ANKS1A: variants seen among roughly 807,000 people sequenced by gnomAD.
The protein encoded by ANKS1A is ankyrin repeat and sterile alpha motif domain containing 1A.
Under a neutral mutation model 120.3 loss-of-function variants are expected in ANKS1A, and 55 were observed. The ratio of observed to expected loss-of-function variants is 0.46; its 90% confidence interval spans 0.37 to 0.57. The LOEUF (loss-of-function observed/expected upper bound fraction) is 0.57, where lower values mean the gene tolerates loss of function less well. Among genes scored for constraint, ANKS1A ranks in the 20% least tolerant of loss-of-function variants. The probability of loss-of-function intolerance (pLI) is 0.00; values close to 1 mark genes in which losing one functional copy is unlikely to be tolerated. For synonymous variants in ANKS1A, 590 were observed against 604.7 expected, an observed-to-expected ratio of 0.98 and a Z score of 0.36; for missense variants, 1,123 against 1,480.3, an observed-to-expected ratio of 0.76 and a Z score of 3.96.
Position 35,054,093 on chromosome 6 carries a change from T to A in ANKS1A, c.2011-6T>A. On this transcript the variant is annotated splice_polypyrimidine_tract_variant and splice_region_variant and intron_variant, in intron 11 of 23. Transcript: ENST00000360359. ...CCTCTCCTCTTTGTTCTTTCTTCCA[T>A]TTCAGATTGAGAAAATCATGAGTTC... The A allele has an allele frequency of 1.2e-6, 2 of 1,613,426 alleles. No individual in the cohort carries two copies. Among genetic ancestry groups the A allele is most frequent in the Non-Finnish European group, 1.7e-6 (2 of 1,179,414 alleles).
chr6:34,996,952 T>C (rs1393541621), intron 10 of ANKS1A, among the ~76,000 whole-genome samples: 1 of 152,200 alleles, frequency 6.6e-6, no homozygotes, highest in Non-Finnish European at 1.5e-5. Flanking sequence ...CCTTTCGCTA[T>C]TGAATTGTCT....
At chr6:35,073,913 G>A (rs924589596) in intron 13 of ANKS1A, among the ~76,000 whole-genome samples, 3 of 152,162 alleles carry the variant, frequency 2.0e-5, no homozygotes, top group African/African-American at 7.2e-5. Context: ...TCATCCCCCG[G>A]TGCGGAGATA....
At chr6:34,907,322 A>G (rs111892223) in intron 1 of ANKS1A, among the ~76,000 whole-genome samples, 159 of 152,264 alleles carry the variant, frequency 1.0e-3, no homozygotes, top group Admixed American at 2.8e-3. Context: ...GTTTTGATCA[A>G]TGATTTCTTA....
At chr6:34,959,708 G>A (rs185122505) in intron 1 of ANKS1A, among the ~76,000 whole-genome samples, 35 of 152,158 alleles carry the variant, frequency 2.3e-4, no homozygotes, top group Admixed American at 8.5e-4. Context: ...TTGCTTTTGC[G>A]ATTCTTATTT....
intron 1 of ANKS1A, among the ~76,000 whole-genome samples, chr6:34,936,514 A>G (rs1204937183): frequency 1.3e-5 from 2 of 152,226 alleles, no homozygotes; most frequent in African/African-American, 4.8e-5. Context: ...TGAGGGAAAC[A>G]TGTCCAGTCT....
At position 35,050,232 on chromosome 6, in the gene ANKS1A, T is replaced by C. The variant is rs752364336; in HGVS notation, c.2011-3867T>C. 1.3e-5 allele frequency among the ~76,000 whole-genome samples: 2 copies of C among 152,254 alleles called. No individual in the cohort carries two copies. The highest frequency in any genetic ancestry group is 6.5e-5 in the Admixed American group (1 of 15,292). ...CTAAACAGAGTCGTCCTGAAAACTT[T>C]TTGAAAATGGAGTATTTCCAAGCAT... On this transcript the variant is annotated intron_variant, in intron 11 of 23. Transcript: ENST00000360359. The surrounding 1 kb of genome is among the most constrained non-coding windows in gnomAD (Gnocchi z 4.3).
At chr6:34,904,967 C>G (rs1767568792) in intron 1 of ANKS1A, among the ~76,000 whole-genome samples, 1 of 152,130 alleles carries the variant, frequency 6.6e-6, no homozygotes, top group Non-Finnish European at 1.5e-5. Flanking sequence ...TGTGCCACCA[C>G]GCTCAGCTAA....
chr6:34,980,186 C>T (rs554904566), intron 3 of ANKS1A, among the ~76,000 whole-genome samples: 40 of 152,344 alleles, frequency 2.6e-4, no homozygotes, highest in Non-Finnish European at 5.4e-4. Flanking sequence ...GCTGGCAGGC[C>T]GGCTGTATCC....
chr6:35,084,195 C>T lies in ANKS1A; in HGVS notation c.3069C>T (p.Ala1023=), dbSNP rs1314055911. Residue 1023 remains alanine (A), a synonymous_variant, in exon 21 of 24, where the codon GCC becomes GCT. Transcript: ENST00000360359. This position sits in a 1 kb window ranked among gnomAD's most constrained non-coding sequence, Gnocchi z 4.8. ...AQDPEDLCTF[A]YITKDLQTSH... is the part of the protein sequence containing the mutation. ...ACCCGGAGGACCTCTGTACCTTTGC[C>T]TACATCACCAAGGACCTGCAGACCA... The T allele has an allele frequency of 2.5e-6, 4 of 1,614,116 alleles. No homozygotes were observed. The highest frequency in any genetic ancestry group is 1.3e-5 in the African/African-American group (1 of 74,936).
At chr6:34,975,776 TAGAAAC>T (rs1463304292) in intron 3 of ANKS1A, among the ~76,000 whole-genome samples, 1 of 151,592 alleles carries the variant, frequency 6.6e-6, no homozygotes, top group African/African-American at 2.4e-5. Flanking sequence ...ATAATAATAA[TAGAAAC>T]AGAGAGGTAA....
At chr6:35,097,950 A>C in the ANKS1A span, among the ~76,000 whole-genome samples, 31,207 of 152,242 alleles carry the variant, frequency 0.2, 4,273 homozygotes, top group Middle Eastern at 0.31. Context: ...AAATTTAGCC[A>C]TGTGAACAGG....
At chr6:35,006,755 AAAAAACAAAACAAAAAAC>A (rs1485710084) in intron 10 of ANKS1A, among the ~76,000 whole-genome samples, 3 of 152,242 alleles carry the variant, frequency 2.0e-5, no homozygotes, top group Non-Finnish European at 4.4e-5. Flanking sequence ...ACTCCGTCTC[AAAAAACAAAACAAAAAAC>A]AAAAACAAAA....
downstream of ANKS1A, among the ~76,000 whole-genome samples, chr6:35,094,096 G>A (rs1168734416): frequency 1.3e-5 from 2 of 152,210 alleles, no homozygotes; most frequent in East Asian, 3.8e-4. Context: ...GCTGGGCTTT[G>A]ACCCCCAACC....
At chr6:35,024,439 A>G (rs1774507313) in intron 11 of ANKS1A, among the ~76,000 whole-genome samples, 1 of 152,248 alleles carries the variant, frequency 6.6e-6, no homozygotes, top group South Asian at 2.1e-4. Context: ...TAAACATTGG[A>G]GTCATTTAAA....
At chr6:34,894,371 G>C (rs1337379059) in intron 1 of ANKS1A, among the ~76,000 whole-genome samples, 2 of 152,144 alleles carry the variant, frequency 1.3e-5, no homozygotes, top group East Asian at 3.8e-4. Context: ...ACCAATCATG[G>C]CCAGGCACAG....
Position 35,067,886 on chromosome 6 carries a change from A to ATTT in ANKS1A, c.2184+7652_2184+7654dup, listed in dbSNP as rs750257307. Among the ~76,000 whole-genome samples, 94 of 106,850 alleles carry ATTT rather than the reference A, an allele frequency of 8.8e-4. 1 individual carries two copies. The highest frequency in any genetic ancestry group is 4.6e-3 in the Middle Eastern group (1 of 216). The allele number at this position is 106,850 out of a possible 152,430, so 70.1% of individuals were successfully genotyped here. A position where few individuals can be genotyped will look rare whatever the true frequency, so the allele number is the denominator to read the frequency against. On this transcript the variant is annotated intron_variant, in intron 13 of 23. Transcript: ENST00000360359. ...CATTTTTCTTTGTACTTCATTTTCA[A>ATTT]TTTTTTTTTTTTTTTTTTTTTGAGA...
chr6:34,978,666 G>T lies in ANKS1A; in HGVS notation c.436-3024G>T, dbSNP rs978586149. Among the ~76,000 whole-genome samples the T allele has an allele frequency of 7.9e-5, 12 of 151,914 alleles. No homozygotes were observed. In the East Asian group the frequency reaches 2.4e-3, roughly 30 times the overall value. Reference sequence around the variant, plus strand: ...ACTAAAAATACAAAATTAGCTAGGCGTGGTGGCACATATCTGTAATCCCAG... The same window carrying T: ...ACTAAAAATACAAAATTAGCTAGGCTTGGTGGCACATATCTGTAATCCCAG... On this transcript the variant is annotated intron_variant, in intron 3 of 23. Coordinates refer to ENST00000360359, the MANE Select transcript of ANKS1A (RefSeq NM_015245.3).
intron 8 of ANKS1A, among the ~76,000 whole-genome samples, chr6:34,987,090 C>T (rs1338843521): frequency 6.6e-6 from 1 of 152,166 alleles, no homozygotes; most frequent in African/African-American, 2.4e-5. Context: ...TAAGCAGAAA[C>T]GGGTGGATGC....
At chr6:34,978,800 C>A (rs1271114562) in intron 3 of ANKS1A, among the ~76,000 whole-genome samples, 2 of 49,574 alleles carry the variant, frequency 4.0e-5, no homozygotes, top group African/African-American at 1.3e-4. Flanking sequence ...AGCGAAACTC[C>A]GTCTCAAAAA....
Sources: allele counts gnomAD v4.1 joint callset (sites outside exome capture counted in the v4.1 genomes callset), GRCh38; gene constraint gnomAD v4.1.1; non-coding constraint Gnocchi (gnomAD v3.1); transcripts MANE v1.5; gene names NCBI Gene and HGNC (gene_info 2026-07-23, HGNC 2026-07-21).